Variants in ADAMTS17 observed in about 807,000 individuals in gnomAD.
ADAMTS17 encodes ADAM metallopeptidase with thrombospondin type 1 motif 17, also known as A disintegrin and metalloproteinase with thrombospondin motifs 17.
A neutral mutation model predicts 141.5 loss-of-function variants in ADAMTS17; 113 were observed. The observed-to-expected ratio is 0.80, with a 90% CI of 0.69 to 0.93. The LOEUF is 0.93. Among genes scored for constraint, ADAMTS17 ranks in the 40% least tolerant of loss-of-function variants. ADAMTS17 has a pLI of 0.00. For synonymous variants in ADAMTS17, 768 were observed against 630.6 expected, an observed-to-expected ratio of 1.22 and a Z score of -3.27; for missense variants, 1,659 against 1,517.9, an observed-to-expected ratio of 1.09 and a Z score of -1.54.
chr15:100,259,143 A>C lies in ADAMTS17; in HGVS notation c.1031+2336T>G, dbSNP rs2141985525. Among the ~76,000 whole-genome samples the C allele has an allele frequency of 2.0e-5, 3 of 152,376 alleles. No homozygotes were observed. In the Middle Eastern group the frequency reaches 0.01, roughly 518 times the overall value. On this transcript the variant is annotated intron_variant, in intron 6 of 21. Coordinates refer to ENST00000268070, the MANE Select transcript of ADAMTS17 (RefSeq NM_139057.4). The stretch of plus-strand genomic sequence containing the variant: ...TTATGAAAACTCTTCTCAAAGTAGA[A>C]ACCTTGGGAGTTTAGCTGCATATTC...
In ADAMTS17 at chr15:99,976,263, C is replaced by T. The variant is rs139045337; in HGVS notation, c.2950-41G>A. 942 of 1,536,992 alleles carry T rather than the reference C, an allele frequency of 6.1e-4. 7 individuals carry two copies. The African/African-American group carries it at 0.012, about 19-fold the overall frequency. On this transcript the variant is annotated intron_variant, in intron 20 of 21. Coordinates refer to ENST00000268070, the MANE Select transcript of ADAMTS17 (RefSeq NM_139057.4). ...AGCCTGAGTGGGGCTGACATGAGGTCAAGGGACTGGGATGATGGCCTCACA... is the reference window on the plus strand; with the variant it reads ...AGCCTGAGTGGGGCTGACATGAGGTTAAGGGACTGGGATGATGGCCTCACA...
At chr15:100,237,169 A>G (rs924229518) in intron 7 of ADAMTS17, among the ~76,000 whole-genome samples, 1 of 152,140 alleles carries the variant, frequency 6.6e-6, no homozygotes. Flanking sequence ...GTCACTATGC[A>G]GCCCGGTGAG....
rs988814297 is a variant in ADAMTS17, at chr15:100,012,693, G to A, written c.2592-15104C>T. ...TTGCTTTGTCGAAGATCAGTTGGCT[G>A]TAAGTATTTGGGTTTATTCTGGGTT... On this transcript the variant is annotated intron_variant, in intron 18 of 21. Transcript: ENST00000268070. 3.3e-5 allele frequency among the ~76,000 whole-genome samples: 5 copies of A among 152,154 alleles called. No homozygotes were observed. In the South Asian group the frequency reaches 1.0e-3, roughly 32 times the overall value.
chr15:100,156,722 T>C (rs990798215), intron 8 of ADAMTS17, among the ~76,000 whole-genome samples: 6 of 152,332 alleles, frequency 3.9e-5, no homozygotes, highest in Admixed American at 2.6e-4. Flanking sequence ...GCTGTCCAAC[T>C]GGGTGTGGGC....
intron 12 of ADAMTS17, among the ~76,000 whole-genome samples, chr15:100,123,276 G>A (rs771404127): frequency 2.0e-5 from 3 of 152,188 alleles, no homozygotes; most frequent in African/African-American, 4.8e-5. Flanking sequence ...TCTGAGCTAC[G>A]CAGTAAGGAG....
At chr15:100,191,000 A>C (rs915649181) in intron 8 of ADAMTS17, among the ~76,000 whole-genome samples, 3 of 152,132 alleles carry the variant, frequency 2.0e-5, no homozygotes, top group Non-Finnish European at 2.9e-5. Flanking sequence ...TCGACTCTGG[A>C]CATCCCTTCC....
chr15:100,251,446 C>A (rs1467608956), intron 7 of ADAMTS17, among the ~76,000 whole-genome samples: 9 of 152,234 alleles, frequency 5.9e-5, no homozygotes, highest in African/African-American at 1.4e-4. Flanking sequence ...TTAAGGTTGG[C>A]CGGGCGCAGT....
intron 12 of ADAMTS17, 64 bp downstream of exon 12, chr15:100,131,943 C>A: frequency 6.2e-7 from 1 of 1,610,546 alleles, no homozygotes. Context: ...TGTGAGGCAG[C>A]GAGAGCTGCT....
At chr15:100,254,330 G>A (rs933463458) in intron 6 of ADAMTS17, 151 bp from the exon 7 acceptor site, 7 of 735,940 alleles carry the variant, frequency 9.5e-6, no homozygotes, top group Non-Finnish European at 1.6e-5. Flanking sequence ...AGCAGCGTTT[G>A]GCAACAGTAA....
intron 3 of ADAMTS17, among the ~76,000 whole-genome samples, chr15:100,320,604 G>A (rs562062584): frequency 7.2e-5 from 11 of 152,134 alleles, no homozygotes; most frequent in East Asian, 3.8e-4. Flanking sequence ...AGGCCGAGGC[G>A]GGCCAATTGC....
Position 100,182,468 on chromosome 15 carries a change from A to C in ADAMTS17, c.1181+16850T>G, listed in dbSNP as rs570725761. ...AGCATTGAGTTAAATGCAAAGTCTC[A>C]CACTCGTTGTGCTATCCCTCCGCCA... On this transcript the variant is annotated intron_variant, in intron 8 of 21. Transcript: ENST00000268070. Among the ~76,000 whole-genome samples the C allele has an allele frequency of 2.4e-4, 36 of 152,272 alleles. No individual in the cohort carries two copies. In the South Asian group the frequency reaches 7.5e-3, roughly 32 times the overall value.
At chr15:100,076,792 A>G (rs2141777938) in intron 15 of ADAMTS17, among the ~76,000 whole-genome samples, 1 of 152,150 alleles carries the variant, frequency 6.6e-6, no homozygotes, top group East Asian at 1.9e-4. Flanking sequence ...ACAAACAAAA[A>G]CATAGCATAG....
At chr15:100,187,895 G>C (rs1394438934) in intron 8 of ADAMTS17, among the ~76,000 whole-genome samples, 1 of 152,194 alleles carries the variant, frequency 6.6e-6, no homozygotes, top group Non-Finnish European at 1.5e-5. Flanking sequence ...CACAGACAGG[G>C]ACCCATAGTC....
intron 12 of ADAMTS17, among the ~76,000 whole-genome samples, chr15:100,127,128 T>G (rs866767429): frequency 4.6e-5 from 7 of 152,172 alleles, no homozygotes; most frequent in Middle Eastern, 6.8e-3. Context: ...CAAAGGAGGC[T>G]TCGAGGCTGC....
intron 3 of ADAMTS17, among the ~76,000 whole-genome samples, chr15:100,322,200 AAC>A (rs2045752883): frequency 6.6e-6 from 1 of 152,214 alleles, no homozygotes; most frequent in African/African-American, 2.4e-5. Context: ...GTAACGCTCC[AAC>A]AGAAAGCTTG....
At chr15:100,292,987 G>A (rs925727744) in intron 3 of ADAMTS17, among the ~76,000 whole-genome samples, 7 of 152,180 alleles carry the variant, frequency 4.6e-5, no homozygotes, top group African/African-American at 1.2e-4. Context: ...CAGTATTGTC[G>A]ACATCATTTT....
chr15:100,064,084 G>A lies in ADAMTS17; in HGVS notation c.2138-10030C>T, dbSNP rs1034184709. ...TTAAGATGAGGTCATCCTGGAGTAGGTAGGCCTAATCCAAAATGACTGATG... is the reference window on the plus strand; with the variant it reads ...TTAAGATGAGGTCATCCTGGAGTAGATAGGCCTAATCCAAAATGACTGATG... On this transcript the variant is annotated intron_variant, in intron 15 of 21. Coordinates refer to ENST00000268070, the MANE Select transcript of ADAMTS17 (RefSeq NM_139057.4). 2.6e-5 allele frequency among the ~76,000 whole-genome samples: 4 copies of A among 152,052 alleles called. No individual in the cohort carries two copies. The South Asian group carries it at 8.3e-4, about 31-fold the overall frequency.
chr15:100,175,103 G>A (rs2040290531), intron 8 of ADAMTS17, among the ~76,000 whole-genome samples: 1 of 152,152 alleles, frequency 6.6e-6, no homozygotes, highest in Admixed American at 6.5e-5. Flanking sequence ...ACCCAGCTTT[G>A]AAGGGATTCG....
In ADAMTS17 at chr15:100,106,736, G is replaced by A. The variant is rs527761488; in HGVS notation, c.2016+2253C>T. On this transcript the variant is annotated intron_variant, in intron 14 of 21. Transcript: ENST00000268070. ...TCTAACTTGGGAGGAACGTTAAGTC[G>A]TTGGGCAGGATGGTCTGTGGAAGTG... Among the ~76,000 whole-genome samples the A allele has an allele frequency of 1.4e-4, 22 of 152,356 alleles. 1 individual carries two copies. The highest frequency in any genetic ancestry group is 5.1e-4 in the African/African-American group (21 of 41,582).
Sources: allele counts gnomAD v4.1 joint callset (sites outside exome capture counted in the v4.1 genomes callset), GRCh38; gene constraint gnomAD v4.1.1; transcripts MANE v1.5; gene names NCBI Gene and HGNC (gene_info 2026-07-23, HGNC 2026-07-21).